Variants in SLC16A6 observed in about 807,000 individuals in gnomAD.
SLC16A6 encodes the protein monocarboxylate transporter 7.
SLC16A6 carries 15 observed loss-of-function variants against 33.8 expected under a neutral mutation model. The observed-to-expected ratio is 0.44, with a 90% confidence interval of 0.30 to 0.68. The LOEUF is 0.68. Ranked by LOEUF, SLC16A6 falls within the 30% of genes least tolerant of loss-of-function variation. The probability of loss-of-function intolerance (pLI) is 0.10; values close to 1 mark genes in which losing one functional copy is unlikely to be tolerated. For synonymous variants in SLC16A6, 219 were observed against 248.4 expected, an observed-to-expected ratio of 0.88 and a Z score of 1.11; for missense variants, 451 against 661.5, an observed-to-expected ratio of 0.68 and a Z score of 3.49.
In SLC16A6 at chr17:68,271,378, G is replaced by A. The variant is rs193189838; in HGVS notation, c.782C>T (p.Pro261Leu). 8 of 1,614,240 alleles carry A rather than the reference G, an allele frequency of 5.0e-6. No individual in the cohort carries two copies. The highest frequency in any genetic ancestry group is 1.6e-4 in the Middle Eastern group (1 of 6,062). ...VPTHTNLELE[P>L]KADMQQVLVK... The stretch of plus-strand genomic sequence containing the variant: ...CAGGACCTGCTGCATGTCGGCCTTC[G>A]GCTCCAGTTCCAGGTTAGTGTGAGT... The change falls in exon 5 of 6, where the codon CCG (proline) becomes CTG (leucine). Residue 261 changes from proline (P) to leucine (L), a missense_variant. Transcript: ENST00000580666. This position sits in a 1 kb window ranked among gnomAD's most constrained non-coding sequence, Gnocchi z 5.3.
At chr17:68,281,352 A>G (rs1568414920) in intron 1 of SLC16A6, among the ~76,000 whole-genome samples, 2 of 152,048 alleles carry the variant, frequency 1.3e-5, no homozygotes, top group African/African-American at 4.8e-5. Flanking sequence ...GTGGATCATG[A>G]GGTCAAGAGA....
chr17:68,278,494 G>C (rs1162170321), intron 1 of SLC16A6, among the ~76,000 whole-genome samples, 167 bp from the exon 2 acceptor site: 1 of 152,032 alleles, frequency 6.6e-6, no homozygotes, highest in Non-Finnish European at 1.5e-5. Context: ...CTGTCATCCA[G>C]GCTAGAGTGC....
intron 2 of SLC16A6, among the ~76,000 whole-genome samples, chr17:68,277,701 A>G (rs1312859770): frequency 6.6e-6 from 1 of 152,188 alleles, no homozygotes; most frequent in African/African-American, 2.4e-5. Flanking sequence ...AAGTGCTTAC[A>G]GGTGTGAGCC....
chr17:68,291,478 C>G (rs1190593863), upstream of SLC16A6: 1 of 150,760 alleles, frequency 6.6e-6, no homozygotes, highest in Non-Finnish European at 1.5e-5. Context: ...AGGAGGGGGC[C>G]TGCCTGGCGC....
chr17:68,285,820 G>A (rs2145169393), intron 1 of SLC16A6, among the ~76,000 whole-genome samples: 1 of 152,086 alleles, frequency 6.6e-6, no homozygotes, highest in Non-Finnish European at 1.5e-5. Flanking sequence ...GAATGCAGTG[G>A]CATGATTTCG....
At chr17:68,284,103 C>CAAAA (rs1189737736) in intron 1 of SLC16A6, among the ~76,000 whole-genome samples, 4 of 56,496 alleles carry the variant, frequency 7.1e-5, no homozygotes, top group Non-Finnish European at 1.1e-4. Context: ...GACTCTGTCT[C>CAAAA]AAAAAAAAAA....
chr17:68,276,545 C>T (rs1247610909), intron 2 of SLC16A6, among the ~76,000 whole-genome samples: 6 of 152,034 alleles, frequency 3.9e-5, no homozygotes, highest in Admixed American at 3.3e-4. Flanking sequence ...ACCTCCCAGG[C>T]TCAAGCAATT....
intron 1 of SLC16A6, among the ~76,000 whole-genome samples, chr17:68,283,497 G>A (rs1230638177): frequency 1.3e-5 from 2 of 150,316 alleles, no homozygotes; most frequent in African/African-American, 4.9e-5. Context: ...CTCCAGCCTG[G>A]GCGACAGAGT....
chr17:68,286,350 G>C (rs573654706), intron 1 of SLC16A6, among the ~76,000 whole-genome samples: 3 of 152,156 alleles, frequency 2.0e-5, no homozygotes, highest in South Asian at 4.1e-4. Context: ...GAAAATTGAG[G>C]TTATCTTTTT....
At chr17:68,287,980 T>C (rs1555754758) in intron 1 of SLC16A6, among the ~76,000 whole-genome samples, 1 of 144,928 alleles carries the variant, frequency 6.9e-6, no homozygotes, top group African/African-American at 2.5e-5. Context: ...TCCCCCTCCC[T>C]CCCTCCTTTC....
At chr17:68,289,339 C>T (rs1472968438) in intron 1 of SLC16A6, among the ~76,000 whole-genome samples, 1 of 152,148 alleles carries the variant, frequency 6.6e-6, no homozygotes, top group Non-Finnish European at 1.5e-5. Context: ...TGGAAATCCG[C>T]TATCCTTGGG....
chr17:68,271,567 G>C lies in SLC16A6; in HGVS notation c.593C>G (p.Ala198Gly). ...TCTGATAAAGATGGGTCTGAGCAGT[G>C]CTCCGAAGATGACAATGTTTAACTG... ...LLQLNIVIFGALLRPIFIRGP... is the reference protein window; with the variant it reads ...LLQLNIVIFGGLLRPIFIRGP... Residue 198 changes from alanine (A) to glycine (G), a missense_variant, in exon 5 of 6, where the codon GCA becomes GGA. Coordinates refer to ENST00000580666, the MANE Select transcript of SLC16A6 (RefSeq NM_004694.5). The surrounding 1 kb of genome is among the most constrained non-coding windows in gnomAD (Gnocchi z 5.3). 6.2e-7 allele frequency: 1 copy of C among 1,614,216 alleles called. No individual in the cohort carries two copies. Among genetic ancestry groups the C allele is most frequent in the South Asian group, 1.1e-5 (1 of 91,086 alleles).
At chr17:68,284,806 A>G (rs1312306935) in intron 1 of SLC16A6, among the ~76,000 whole-genome samples, 1 of 152,238 alleles carries the variant, frequency 6.6e-6, no homozygotes, top group Non-Finnish European at 1.5e-5. Context: ...AAAATAAGGC[A>G]TAAGATGCTG....
At chr17:68,281,426 G>A (rs1555752775) in intron 1 of SLC16A6, among the ~76,000 whole-genome samples, 1 of 151,800 alleles carries the variant, frequency 6.6e-6, no homozygotes, top group African/African-American at 2.4e-5. Flanking sequence ...AATTAGCTGG[G>A]CGTGGTGGCA....
intron 2 of SLC16A6, chr17:68,274,494 A>G (rs1241578951): frequency 2.6e-5 from 4 of 153,776 alleles, no homozygotes; most frequent in African/African-American, 9.6e-5. Context: ...ACCATAACAC[A>G]TTTCATGCAA....
intron 1 of SLC16A6, among the ~76,000 whole-genome samples, chr17:68,288,654 C>T (rs4968868): frequency 0.36 from 54,643 of 152,002 alleles, 9,966 homozygotes; most frequent in Admixed American, 0.39. Context: ...CTCTGATGAG[C>T]TTAGATCTCT....
chr17:68,276,740 C>T (rs544110671), intron 2 of SLC16A6, among the ~76,000 whole-genome samples: 1 of 152,340 alleles, frequency 6.6e-6, no homozygotes, highest in South Asian at 2.1e-4. Context: ...AGGCGTGAGC[C>T]ACCATGCCCA....
At chr17:68,285,054 C>T (rs1229229802) in intron 1 of SLC16A6, among the ~76,000 whole-genome samples, 3 of 152,198 alleles carry the variant, frequency 2.0e-5, no homozygotes, top group Non-Finnish European at 2.9e-5. Flanking sequence ...GAGATGGTCT[C>T]TGCCTCCATG....
In SLC16A6 at chr17:68,274,041, A is replaced by G. The variant is rs782092805; in HGVS notation, c.262T>C (p.Phe88Leu). 1 of 1,614,144 alleles carries G rather than the reference A, an allele frequency of 6.2e-7. No individual in the cohort carries two copies. Among genetic ancestry groups the G allele is most frequent in the South Asian group, 1.1e-5 (1 of 91,082 alleles). The change falls in exon 3 of 6, where the codon TTC becomes CTC. Residue 88 changes from phenylalanine (F) to leucine (L), a missense_variant. Coordinates refer to ENST00000580666, the MANE Select transcript of SLC16A6 (RefSeq NM_004694.5). The part of the protein sequence containing the change: ...APLATVLSNR[F>L]GHRLVVMLGG... ...AACATCACTACCAGACGGTGTCCGA[A>G]ACGATTGCTCAGGACTGTGGCGAGG...
Sources: gnomAD v4.1 joint callset for allele counts (sites outside exome capture counted in the v4.1 genomes callset) on GRCh38, gnomAD v4.1.1 for gene constraint, Gnocchi (gnomAD v3.1) non-coding constraint, MANE v1.5 for transcripts, NCBI Gene and HGNC (gene_info 2026-07-23, HGNC 2026-07-21) for gene names.